RPSA2: variants seen among roughly 807,000 people sequenced by gnomAD.
RPSA2 encodes ribosomal protein SA 2.
At chr19:23,820,699 T>TCCA in the RPSA2 span, among the ~76,000 whole-genome samples, 1 of 113,150 alleles carries the variant, frequency 8.8e-6, no homozygotes, top group Non-Finnish European at 1.9e-5. Context: ...AAACTCCTCC[T>TCCA]TATATATAGC....
chr19:23,844,885 C>T, the RPSA2 span, among the ~76,000 whole-genome samples: 1 of 150,664 alleles, frequency 6.6e-6, no homozygotes, highest in Non-Finnish European at 1.5e-5. Context: ...GTGCATTTAT[C>T]TAGTTCTGAG....
chr19:23,831,306 C>T, the RPSA2 span, among the ~76,000 whole-genome samples: 4 of 152,094 alleles, frequency 2.6e-5, no homozygotes, highest in African/African-American at 7.2e-5. Flanking sequence ...GAAGGTACTA[C>T]GTTATAGTGG....
At chr19:23,841,502 T>C in the RPSA2 span, among the ~76,000 whole-genome samples, 9 of 152,178 alleles carry the variant, frequency 5.9e-5, no homozygotes, top group Non-Finnish European at 7.3e-5. Context: ...AACAGGTACT[T>C]TGGAGAAACT....
the RPSA2 span, chr19:23,781,968 T>C: frequency 1.3e-5 from 2 of 155,348 alleles, no homozygotes; most frequent in Non-Finnish European, 1.4e-5. Context: ...CACAGGGTGT[T>C]GCACCCAGGT....
the RPSA2 span, among the ~76,000 whole-genome samples, chr19:23,763,925 C>G: frequency 6.6e-6 from 1 of 152,142 alleles, no homozygotes; most frequent in Admixed American, 6.5e-5. Flanking sequence ...GAAGGCAAAC[C>G]AAATGCAAGA....
chr19:23,819,305 G>A, the RPSA2 span: 2 of 152,200 alleles, frequency 1.3e-5, no homozygotes, highest in African/African-American at 4.8e-5. Context: ...ACCAGAGCAG[G>A]GCTGTTGTAG....
the RPSA2 span, chr19:23,758,661 G>A: frequency 6.2e-7 from 1 of 1,605,894 alleles, no homozygotes; most frequent in Admixed American, 1.7e-5. Context: ...AACTCAGGGC[G>A]CAAATTGTGG....
chr19:23,869,190 G>A, the RPSA2 span, among the ~76,000 whole-genome samples: 4 of 152,020 alleles, frequency 2.6e-5, no homozygotes, highest in African/African-American at 7.2e-5. Context: ...CCCTATGTCT[G>A]GCTCCCCCGG....
the RPSA2 span, among the ~76,000 whole-genome samples, chr19:23,863,661 A>G: frequency 1.3e-5 from 2 of 151,756 alleles, no homozygotes; most frequent in Non-Finnish European, 2.9e-5. Context: ...CTGTTTATTT[A>G]GTTTTCTGAA....
At chr19:23,789,019 CTTTCTTT>C in the RPSA2 span, among the ~76,000 whole-genome samples, 1 of 112,624 alleles carries the variant, frequency 8.9e-6, no homozygotes, top group South Asian at 3.1e-4. Context: ...TTTTTTCTTT[CTTTCTTT>C]TTTTTTTTTT....
At chr19:23,863,963 T>C in the RPSA2 span, among the ~76,000 whole-genome samples, 1 of 152,124 alleles carries the variant, frequency 6.6e-6, no homozygotes, top group Non-Finnish European at 1.5e-5. Context: ...GTTCACCACA[T>C]CTACATCTGG....
At chr19:23,835,985 GAA>G in the RPSA2 span, among the ~76,000 whole-genome samples, 2 of 151,878 alleles carry the variant, frequency 1.3e-5, no homozygotes, top group African/African-American at 4.9e-5. Context: ...GTAATTATAA[GAA>G]TATATATTTT....
the RPSA2 span, among the ~76,000 whole-genome samples, chr19:23,789,712 C>CTT: frequency 4.2e-4 from 61 of 144,850 alleles, no homozygotes; most frequent in Admixed American, 2.6e-3. Context: ...TATTGTGTTA[C>CTT]TTTTTTTTTT....
chr19:23,866,616 C>T, the RPSA2 span, among the ~76,000 whole-genome samples: 1 of 148,424 alleles, frequency 6.7e-6, no homozygotes, highest in Non-Finnish European at 1.5e-5. Context: ...CACAATAGCA[C>T]CCCCTGTCAG....
chr19:23,835,567 C>G, the RPSA2 span, among the ~76,000 whole-genome samples: 1 of 152,038 alleles, frequency 6.6e-6, no homozygotes, highest in Non-Finnish European at 1.5e-5. Context: ...TTTAATTTGA[C>G]TGGTACTCAT....
At chr19:23,790,287 G>A in the RPSA2 span, among the ~76,000 whole-genome samples, 41 of 152,262 alleles carry the variant, frequency 2.7e-4, no homozygotes, top group African/African-American at 9.4e-4. Flanking sequence ...GTGAGCCGCT[G>A]GACCCGGCCT....
At chr19:23,833,187 T>C in the RPSA2 span, 1 of 1,189,614 alleles carries the variant, frequency 8.4e-7, no homozygotes, top group Admixed American at 3.6e-5. Context: ...CAGCCCTAAC[T>C]AAACATAAGA....
At chr19:23,794,990 T>A in the RPSA2 span, among the ~76,000 whole-genome samples, 2 of 152,186 alleles carry the variant, frequency 1.3e-5, no homozygotes, top group Non-Finnish European at 2.9e-5. Context: ...GTAGTAGGTA[T>A]GTGGCATTAT....
At chr19:23,782,231 TG>T in the RPSA2 span, 4 of 152,384 alleles carry the variant, frequency 2.6e-5, no homozygotes, top group East Asian at 5.8e-4. Flanking sequence ...CAGGGGGTAT[TG>T]GGACATACTA....
Sources: allele counts gnomAD v4.1 joint callset (sites outside exome capture counted in the v4.1 genomes callset), GRCh38; gene constraint gnomAD v4.1.1; transcripts MANE v1.5; gene names NCBI Gene and HGNC (gene_info 2026-07-23, HGNC 2026-07-21).